The following UGDH variants were observed in gnomAD, a reference collection of about 807,000 sequenced individuals.
UGDH encodes the protein UDP-glucose 6-dehydrogenase.
In UGDH, 38 loss-of-function variants were observed where a neutral mutation model predicts 50.6. The observed-to-expected ratio is 0.75, with a 90% CI of 0.58 to 0.98. The LOEUF (loss-of-function observed/expected upper bound fraction) is 0.98. UGDH is among the 50% of genes least tolerant of loss of function. The pLI, the probability that UGDH is intolerant of heterozygous loss-of-function variation, is 0.00. For missense variants in UGDH, 465 were observed against 606.2 expected (o/e 0.77, Z 2.45); for synonymous variants, 168 against 199.9 (o/e 0.84, Z 1.35).
At position 39,514,154 on chromosome 4, in the gene UGDH, G is replaced by A. The variant is rs200059198; in HGVS notation, c.193C>T (p.Arg65Ter). The A allele has an allele frequency of 2.0e-4, 323 of 1,583,432 alleles. No homozygotes were observed. Among genetic ancestry groups the A allele is most frequent in the Non-Finnish European group, 2.7e-4 (314 of 1,172,774 alleles). The change falls in exon 3 of 12, where the codon CGA becomes TGA. Residue 65 changes from arginine (R) to a stop codon, truncating the protein, a stop_gained. Transcript: ENST00000316423. LOFTEE classifies it high-confidence loss of function. ...PGLKEVVESC[R>*]GKNLFFSTNI... Reference sequence around the variant, plus strand: ...GTAGAAAAAAAAAGATTTTTTCCTCGACAGGATTCTACCACTTCTTTTAGT... The same window carrying A: ...GTAGAAAAAAAAAGATTTTTTCCTCAACAGGATTCTACCACTTCTTTTAGT...
chr4:39,510,539 G>A lies in UGDH; in HGVS notation c.477C>T (p.Asn159=). The change falls in exon 5 of 12, where the codon AAC becomes AAT. Residue 159 remains asparagine (N), a synonymous_variant. Transcript: ENST00000316423. The part of the protein sequence containing the change: ...KPNLNLQVLS[N]PEFLAEGTAI... ...CTGTTCCCTCTGCCAGAAACTCAGG[G>A]TTGGACAGCACCTAGAATCCCAATG... 1.2e-6 allele frequency: 2 copies of A among 1,614,126 alleles called. No homozygotes were observed. Among genetic ancestry groups the A allele is most frequent in the Non-Finnish European group, 1.7e-6 (2 of 1,180,004 alleles).
chr4:39,504,342 A>G (rs1745945601), intron 10 of UGDH, 75 bp downstream of exon 10: 1 of 1,375,544 alleles, frequency 7.3e-7, no homozygotes, highest in African/African-American at 1.4e-5. Context: ...AAACACATAC[A>G]TGAACACATA....
intron 2 of UGDH, among the ~76,000 whole-genome samples, chr4:39,516,993 A>T (rs1162781135): frequency 3.3e-5 from 5 of 152,216 alleles, no homozygotes; most frequent in African/African-American, 1.2e-4. Context: ...TAAAGCCAAA[A>T]CTGATGCAGA....
chr4:39,513,984 G>A, intron 3 of UGDH, 99 bp downstream of exon 3: 2 of 1,029,282 alleles, frequency 1.9e-6, no homozygotes, highest in East Asian at 2.5e-5. Context: ...ACTAAGCAAT[G>A]TTGAGGCTTA....
chr4:39,513,639 C>A (rs1014969917), intron 3 of UGDH, among the ~76,000 whole-genome samples: 2 of 147,700 alleles, frequency 1.4e-5, no homozygotes, highest in East Asian at 2.0e-4. Flanking sequence ...TTGGTTCAAG[C>A]GATTCTCCTG....
chr4:39,525,146 G>A (rs1023065092), intron 1 of UGDH, among the ~76,000 whole-genome samples: 1 of 152,224 alleles, frequency 6.6e-6, no homozygotes, highest in Non-Finnish European at 1.5e-5. Flanking sequence ...GTTTGACATA[G>A]TGTTAGTGAC....
At chr4:39,500,604 T>G (rs1470119541) in intron 11 of UGDH, among the ~76,000 whole-genome samples, 1 of 152,122 alleles carries the variant, frequency 6.6e-6, no homozygotes, top group Non-Finnish European at 1.5e-5. Context: ...CATTCTCATT[T>G]CAATTTCCCT....
intron 1 of UGDH, among the ~76,000 whole-genome samples, chr4:39,525,966 T>G (rs1004471200): frequency 5.9e-5 from 9 of 152,226 alleles, no homozygotes; most frequent in African/African-American, 2.2e-4. Context: ...AAACTACTCT[T>G]CATGTAAAAT....
At chr4:39,515,551 G>C (rs918760871) in intron 2 of UGDH, among the ~76,000 whole-genome samples, 9 of 151,424 alleles carry the variant, frequency 5.9e-5, no homozygotes, top group Admixed American at 1.3e-4. Flanking sequence ...AGAATATGGA[G>C]GGGTATAAAA....
Position 39,510,422 on chromosome 4 carries a change from T to C in UGDH, c.594A>G (p.Val198=). 1 of 1,614,222 alleles carries C rather than the reference T, an allele frequency of 6.2e-7. No homozygotes were observed. The highest frequency in any genetic ancestry group is 8.5e-7 in the Non-Finnish European group (1 of 1,180,036). The change falls in exon 5 of 12, where the codon GTA becomes GTG. Residue 198 remains valine (V), a synonymous_variant. Coordinates refer to ENST00000316423, the MANE Select transcript of UGDH (RefSeq NM_003359.4). The stretch of plus-strand genomic sequence containing the variant: ...TTTCTCTGGGAACCCAGTGCTCATA[T>C]ACAGCACACAGGGCCTGCACAGCTC... ...GQRAVQALCA[V]YEHWVPREKI... is the part of the protein sequence containing the mutation.
intron 11 of UGDH, among the ~76,000 whole-genome samples, chr4:39,502,664 G>C (rs910076779): frequency 6.6e-6 from 1 of 152,252 alleles, no homozygotes; most frequent in African/African-American, 2.4e-5. Context: ...GGACTCCTTG[G>C]AGAACTGAAA....
At chr4:39,526,675 A>G (rs907611395) in intron 1 of UGDH, 3 of 184,566 alleles carry the variant, frequency 1.6e-5, no homozygotes, top group African/African-American at 7.1e-5. Context: ...ATCTCACACA[A>G]ACATGGTCTC....
At chr4:39,500,657 T>C (rs202054369) in intron 11 of UGDH, among the ~76,000 whole-genome samples, 5 of 114,688 alleles carry the variant, frequency 4.4e-5, no homozygotes, top group African/African-American at 1.4e-4. Flanking sequence ...AATTCTCTTT[T>C]TTTTTTTTTT....
In UGDH at chr4:39,504,295, G is replaced by A. The variant is rs1034512290; in HGVS notation, c.1263+122C>T. On this transcript the variant is annotated intron_variant, in intron 10 of 11. Coordinates refer to ENST00000316423, the MANE Select transcript of UGDH (RefSeq NM_003359.4). The stretch of plus-strand genomic sequence containing the variant: ...TGCACTCCAGCCAGGGCGACAGAGC[G>A]AGACTCCATCTCAAAAAAAAAAACA... The A allele has an allele frequency of 3.1e-5, 26 of 832,378 alleles. 1 individual carries two copies. Among genetic ancestry groups the A allele is most frequent in the South Asian group, 5.2e-5 (3 of 57,828 alleles). The allele number at this position is 832,378 out of a possible 1,614,324, so 51.6% of individuals were successfully genotyped here.
At chr4:39,504,388 T>A in intron 10 of UGDH, 29 bp downstream of exon 10, 1 of 1,601,878 alleles carries the variant, frequency 6.2e-7, no homozygotes, top group South Asian at 1.1e-5. Flanking sequence ...CCTCTAGAAT[T>A]TTCCTTAGTA....
At chr4:39,520,603 C>T (rs7669821) in intron 2 of UGDH, among the ~76,000 whole-genome samples, 73,667 of 151,690 alleles carry the variant, frequency 0.49, 20,118 homozygotes, top group Non-Finnish European at 0.59. Flanking sequence ...GCACCAAACT[C>T]TAAATATGAA....
chr4:39,524,002 T>G (rs1746777870), intron 1 of UGDH, among the ~76,000 whole-genome samples: 1 of 152,148 alleles, frequency 6.6e-6, no homozygotes, highest in African/African-American at 2.4e-5. Flanking sequence ...ACATATATAT[T>G]CTAATAATCT....
At chr4:39,510,125 T>C (rs1746183849) in intron 5 of UGDH, among the ~76,000 whole-genome samples, 1 of 151,860 alleles carries the variant, frequency 6.6e-6, no homozygotes, top group Admixed American at 6.6e-5. Flanking sequence ...GAAAGAGTGA[T>C]AAAAACCAAA....
intron 11 of UGDH, among the ~76,000 whole-genome samples, chr4:39,500,698 C>T (rs1353623318): frequency 6.8e-6 from 1 of 146,584 alleles, no homozygotes; most frequent in African/African-American, 2.5e-5. Flanking sequence ...GCTCTATCGC[C>T]TAGGCTGGAG....
Sources: gnomAD v4.1 joint callset for allele counts (sites outside exome capture counted in the v4.1 genomes callset) on GRCh38, gnomAD v4.1.1 for gene constraint, MANE v1.5 for transcripts, NCBI Gene and HGNC (gene_info 2026-07-23, HGNC 2026-07-21) for gene names.